The following MBTPS1 variants were observed in gnomAD, a reference collection of about 807,000 sequenced individuals.
MBTPS1 encodes the protein membrane-bound transcription factor site-1 protease.
Under a neutral mutation model 127.8 loss-of-function variants are expected in MBTPS1, and 94 were observed. That is an observed-to-expected ratio of 0.74 (90% CI 0.62 to 0.87). The LOEUF (loss-of-function observed/expected upper bound fraction) is 0.87. Among genes scored for constraint, MBTPS1 ranks in the 40% least tolerant of loss-of-function variants. MBTPS1 has a pLI of 0.00. For missense variants in MBTPS1, 1,636 were observed against 1,353.2 expected, an observed-to-expected ratio of 1.21 and a Z score of -3.28; for synonymous variants, 632 against 509.4, an observed-to-expected ratio of 1.24 and a Z score of -3.24.
intron 11 of MBTPS1, among the ~76,000 whole-genome samples, chr16:84,076,387 T>G (rs2085855205): frequency 6.6e-6 from 1 of 152,144 alleles, no homozygotes; most frequent in Non-Finnish European, 1.5e-5. Flanking sequence ...AGGAACAACG[T>G]AAGGATAGCC....
Position 84,054,228 on chromosome 16 carries a change from C to T in MBTPS1, c.*221G>A, listed in dbSNP as rs946836943. On this transcript the variant is annotated 3_prime_UTR_variant, in exon 23 of 23. Transcript: ENST00000343411. The stretch of plus-strand genomic sequence containing the variant: ...TGCCGGCGGGAAGTCTCACTGGCGG[C>T]AGAGCCACTAAGTCCCTCCTGACGG... The T allele has an allele frequency of 9.4e-5, 36 of 382,728 alleles. No individual in the cohort carries two copies. In the South Asian group the frequency reaches 1.4e-3, roughly 15 times the overall value. The allele number at this position is 382,728 out of a possible 1,614,324, so 23.7% of individuals were successfully genotyped here.
chr16:84,081,899 C>T lies in MBTPS1; in HGVS notation c.1296G>A (p.Gln432=). The change falls in exon 11 of 23, where the codon CAG becomes CAA. Residue 432 remains glutamine, a synonymous_variant. Coordinates refer to ENST00000343411, the MANE Select transcript of MBTPS1 (RefSeq NM_003791.4). The part of the protein sequence containing the change: ...GAVTLLVSTV[Q]KRELVNPASM... ...TGGCGGGATTCACCAGCTCACGCTT[C>T]TGGACTGTGCTGGAGGAAAAATCAA... The T allele has an allele frequency of 7.1e-7, 1 of 1,409,692 alleles. No homozygotes were observed. Among genetic ancestry groups the T allele is most frequent in the Non-Finnish European group, 9.3e-7 (1 of 1,072,308 alleles). 87.3% of individuals were successfully genotyped at this position (1,409,692 alleles called of 1,614,324 possible).
chr16:84,090,069 A>G (rs1322392263), intron 8 of MBTPS1, among the ~76,000 whole-genome samples: 1 of 152,244 alleles, frequency 6.6e-6, no homozygotes, highest in Non-Finnish European at 1.5e-5. Context: ...CTAGAGTCCT[A>G]TGAATGCCAA....
At position 84,102,593 on chromosome 16, in the gene MBTPS1, T is replaced by C. The variant is rs373994894; in HGVS notation, c.-324-486A>G. ...AGCCAAAGAGAAGAAGGCATCAGGATGATCCTTTGTTCTGTTTCAGATTCT... is the reference window on the plus strand; with the variant it reads ...AGCCAAAGAGAAGAAGGCATCAGGACGATCCTTTGTTCTGTTTCAGATTCT... On this transcript the variant is annotated intron_variant, in intron 1 of 22. Transcript: ENST00000343411. 3.8e-3 allele frequency among the ~76,000 whole-genome samples: 577 copies of C among 152,306 alleles called. 4 individuals carry two copies. Among genetic ancestry groups the C allele is most frequent in the African/African-American group, 0.013 (540 of 41,566 alleles).
chr16:84,080,901 C>A (rs193160663), intron 11 of MBTPS1, among the ~76,000 whole-genome samples: 2 of 152,314 alleles, frequency 1.3e-5, no homozygotes, highest in East Asian at 1.9e-4. Context: ...AGGACCCAGA[C>A]TGACAGACCA....
At chr16:84,077,110 A>G (rs572128276) in intron 11 of MBTPS1, among the ~76,000 whole-genome samples, 7 of 152,034 alleles carry the variant, frequency 4.6e-5, no homozygotes, top group African/African-American at 1.7e-4. Context: ...CCTGCAGTCC[A>G]CCTACTTGGG....
intron 1 of MBTPS1, among the ~76,000 whole-genome samples, chr16:84,113,955 CTT>C (rs57658435): frequency 0.038 from 5,161 of 136,970 alleles, 62 homozygotes; most frequent in African/African-American, 0.078. Context: ...GGTGTCTTCC[CTT>C]TTTTTTTTTT....
chr16:84,094,435 C>A (rs1260568156), intron 4 of MBTPS1, among the ~76,000 whole-genome samples: 4 of 152,172 alleles, frequency 2.6e-5, no homozygotes, highest in Non-Finnish European at 5.9e-5. Context: ...AATAGTAAGT[C>A]TATTCCAGAT....
chr16:84,091,664 G>A (rs1338410445), intron 7 of MBTPS1, 68 bp downstream of exon 7: 2 of 1,026,076 alleles, frequency 1.9e-6, no homozygotes, highest in Non-Finnish European at 3.1e-6. Flanking sequence ...CACTAGATAT[G>A]ATGCAAAGTT....
Position 84,099,328 on chromosome 16 carries a change from A to G in MBTPS1, c.164-18T>C, listed in dbSNP as rs759659363. The G allele has an allele frequency of 6.2e-7, 1 of 1,609,852 alleles. No individual in the cohort carries two copies. The highest frequency in any genetic ancestry group is 1.1e-5 in the South Asian group (1 of 90,620). Reference sequence around the variant, plus strand: ...AATATATTCTGAAACCAATCACCACAAACAAAAATAAGATTTACGCACATA... The same window carrying G: ...AATATATTCTGAAACCAATCACCACGAACAAAAATAAGATTTACGCACATA... On this transcript the variant is annotated intron_variant, in intron 2 of 22. Transcript: ENST00000343411.
At chr16:84,064,724 G>C (rs1441932584) in intron 18 of MBTPS1, among the ~76,000 whole-genome samples, 1 of 152,180 alleles carries the variant, frequency 6.6e-6, no homozygotes, top group Non-Finnish European at 1.5e-5. Context: ...CCATGGCCAA[G>C]TGACTGTGAA....
intron 12 of MBTPS1, among the ~76,000 whole-genome samples, chr16:84,073,676 T>TA (rs139568278): frequency 0.099 from 14,635 of 148,104 alleles, 958 homozygotes; most frequent in Non-Finnish European, 0.15. Flanking sequence ...AAAACAATAT[T>TA]AAAAAAAAAA....
chr16:84,093,113 T>C, intron 6 of MBTPS1, 75 bp downstream of exon 6: 2 of 961,934 alleles, frequency 2.1e-6, no homozygotes, highest in Non-Finnish European at 3.4e-6. Flanking sequence ...TACACAAGTG[T>C]GTACAGTCCA....
chr16:84,094,064 A>C (rs746197370), intron 4 of MBTPS1, among the ~76,000 whole-genome samples: 6 of 152,186 alleles, frequency 3.9e-5, no homozygotes, highest in Non-Finnish European at 7.3e-5. Flanking sequence ...AAGGATAAGC[A>C]GAAAATCCTT....
intron 10 of MBTPS1, among the ~76,000 whole-genome samples, chr16:84,082,595 A>G (rs1485989869): frequency 6.6e-6 from 1 of 152,320 alleles, no homozygotes; most frequent in East Asian, 1.9e-4. Flanking sequence ...TGTATTATAA[A>G]TACAAGTGAA....
chr16:84,081,213 G>T (rs1040781252), intron 11 of MBTPS1, among the ~76,000 whole-genome samples: 1 of 152,224 alleles, frequency 6.6e-6, no homozygotes, highest in African/African-American at 2.4e-5. Flanking sequence ...AACTATTTGT[G>T]AAACTTTGCT....
rs1233874675 is a variant in MBTPS1 at position 84,054,166 on chromosome 16, G to A, written c.*283C>T. ...CCCTGCAGTCAGAAGACCCCAGACA[G>A]CCTTTCCAGTTCTCCCGAGTCTTTG... On this transcript the variant is annotated 3_prime_UTR_variant, in exon 23 of 23. Coordinates refer to ENST00000343411, the MANE Select transcript of MBTPS1 (RefSeq NM_003791.4). The A allele has an allele frequency of 3.5e-6, 1 of 289,090 alleles. No individual in the cohort carries two copies. 17.9% of individuals were successfully genotyped at this position (289,090 alleles called of 1,614,324 possible). A position where few individuals can be genotyped will look rare whatever the true frequency, so the allele number is the denominator to read the frequency against.
At chr16:84,095,908 ACT>A in intron 3 of MBTPS1, 103 bp from the exon 4 acceptor site, 2 of 878,242 alleles carry the variant, frequency 2.3e-6, no homozygotes, top group South Asian at 1.5e-5. Context: ...ACCATTTGCC[ACT>A]CTGTTTGAAG....
At chr16:84,071,947 G>C (rs576581012) in intron 12 of MBTPS1, 4 of 152,330 alleles carry the variant, frequency 2.6e-5, no homozygotes, top group East Asian at 3.9e-4. Context: ...AGAGGAAACA[G>C]AATTCGTAAA....
Sources: allele counts gnomAD v4.1 joint callset (sites outside exome capture counted in the v4.1 genomes callset), GRCh38; gene constraint gnomAD v4.1.1; transcripts MANE v1.5; gene names NCBI Gene and HGNC (gene_info 2026-07-23, HGNC 2026-07-21).